The following ULK4 variants were observed in gnomAD, a reference collection of about 807,000 sequenced individuals.
ULK4 encodes the protein unc-51 like kinase 4.
In ULK4, 133 loss-of-function variants were observed where a neutral mutation model predicts 160.6. That is an observed-to-expected ratio of 0.83 (90% CI 0.72 to 0.96). The LOEUF is 0.96. Among genes scored for constraint, ULK4 ranks in the 40% least tolerant of loss-of-function variants. The pLI, the probability that ULK4 is intolerant of heterozygous loss-of-function variation, is 0.00. For missense variants in ULK4, 1,580 were observed against 1,499.5 expected, an observed-to-expected ratio of 1.05 and a Z score of -0.89; for synonymous variants, 534 against 539.8, an observed-to-expected ratio of 0.99 and a Z score of 0.15.
chr3:41,509,324 T>C (rs904236429), intron 32 of ULK4, among the ~76,000 whole-genome samples: 5 of 152,310 alleles, frequency 3.3e-5, no homozygotes, highest in Admixed American at 2.6e-4. Context: ...AGTTTGGGAC[T>C]ATGTTAAGCA....
chr3:41,938,237 T>TA (rs767951187), intron 2 of ULK4, 40 bp from the exon 3 acceptor site: 16 of 1,525,802 alleles, frequency 1.0e-5, no homozygotes, highest in Non-Finnish European at 1.4e-5. Context: ...AAGAAATTCC[T>TA]AAAACTCTTA....
chr3:41,489,276 A>G (rs763669810), intron 32 of ULK4, among the ~76,000 whole-genome samples: 38 of 152,322 alleles, frequency 2.5e-4, no homozygotes, highest in Admixed American at 1.1e-3. Context: ...ACACTTCAGC[A>G]TTAGATCATC....
At chr3:41,717,537 T>C (rs77587228) in intron 23 of ULK4, among the ~76,000 whole-genome samples, 191 bp downstream of exon 23, 6,095 of 152,276 alleles carry the variant, frequency 0.04, 377 homozygotes, top group African/African-American at 0.14. Flanking sequence ...TGCCTCATCA[T>C]GTCATTGATG....
In ULK4 at chr3:41,360,033, A is replaced by G. The variant is rs370398250; in HGVS notation, c.3678+38046T>C. 1.2e-4 allele frequency among the ~76,000 whole-genome samples: 19 copies of G among 152,342 alleles called. No individual in the cohort carries two copies. In the East Asian group the frequency reaches 1.7e-3, roughly 14 times the overall value. ...AATTTTTTCAAACTATCCATCTGACAAAAGTCTAATACCCAACATCTACAA... is the reference window on the plus strand; with the variant it reads ...AATTTTTTCAAACTATCCATCTGACGAAAGTCTAATACCCAACATCTACAA... On this transcript the variant is annotated intron_variant, in intron 35 of 36. Coordinates refer to ENST00000301831, the MANE Select transcript of ULK4 (RefSeq NM_017886.4).
At chr3:41,300,837 T>C (rs9840858) in intron 35 of ULK4, among the ~76,000 whole-genome samples, 17 of 57,876 alleles carry the variant, frequency 2.9e-4, no homozygotes, top group Non-Finnish European at 3.6e-4. Flanking sequence ...ATTTTACAGA[T>C]TATATATATA....
chr3:41,600,506 G>T (rs1411438962), intron 31 of ULK4, among the ~76,000 whole-genome samples: 1 of 152,162 alleles, frequency 6.6e-6, no homozygotes, highest in Non-Finnish European at 1.5e-5. Context: ...TCCAAGCAAA[G>T]AAAGGACAGA....
chr3:41,277,560 T>C (rs538753497), intron 35 of ULK4, among the ~76,000 whole-genome samples: 4 of 148,442 alleles, frequency 2.7e-5, no homozygotes, highest in South Asian at 2.1e-4. Flanking sequence ...CCCTTTATGA[T>C]TGAAACTCAG....
intron 1 of ULK4, among the ~76,000 whole-genome samples, chr3:41,960,748 TAC>T (rs1700635654): frequency 6.6e-6 from 1 of 152,190 alleles, no homozygotes; most frequent in Non-Finnish European, 1.5e-5. Context: ...CGTTCCCCAT[TAC>T]AGACTTCCTA....
chr3:41,485,145 G>C (rs545308453), intron 32 of ULK4, among the ~76,000 whole-genome samples: 1 of 152,288 alleles, frequency 6.6e-6, no homozygotes, highest in South Asian at 2.1e-4. Flanking sequence ...GACTCAGGAG[G>C]TTAAGTAACT....
intron 32 of ULK4, among the ~76,000 whole-genome samples, chr3:41,476,531 T>A (rs1171992563): frequency 6.6e-6 from 1 of 152,122 alleles, no homozygotes; most frequent in East Asian, 1.9e-4. Context: ...GCTCTTTCTG[T>A]CTTCATCTTC....
intron 32 of ULK4, among the ~76,000 whole-genome samples, chr3:41,490,593 A>T (rs2084717847): frequency 6.6e-6 from 1 of 152,176 alleles, no homozygotes; most frequent in South Asian, 2.1e-4. Flanking sequence ...ATCCTTTCAC[A>T]TAAAATGTTT....
intron 12 of ULK4, among the ~76,000 whole-genome samples, chr3:41,902,899 A>C (rs1698426428): frequency 6.6e-6 from 1 of 152,250 alleles, no homozygotes; most frequent in African/African-American, 2.4e-5. Flanking sequence ...CAAAGCACTT[A>C]AAACAATGCC....
intron 34 of ULK4, among the ~76,000 whole-genome samples, chr3:41,414,087 G>C (rs2082473132): frequency 6.6e-6 from 1 of 152,176 alleles, no homozygotes. Context: ...TGTAATCCCA[G>C]CTACTCGAGA....
intron 34 of ULK4, among the ~76,000 whole-genome samples, chr3:41,433,669 T>C (rs556522615): frequency 1.5e-4 from 23 of 152,332 alleles, no homozygotes; most frequent in African/African-American, 4.8e-4. Flanking sequence ...AAAATAGTTA[T>C]ACAGATTGAG....
chr3:41,494,018 C>T (rs1375264655), intron 32 of ULK4, among the ~76,000 whole-genome samples: 1 of 144,084 alleles, frequency 6.9e-6, no homozygotes. Flanking sequence ...GAACTGGTAC[C>T]ATTCCTTCTG....
At chr3:41,935,384 G>A (rs1017931486) in intron 4 of ULK4, among the ~76,000 whole-genome samples, 60 of 151,808 alleles carry the variant, frequency 4.0e-4, no homozygotes, top group African/African-American at 1.4e-3. Flanking sequence ...GCACCACCAC[G>A]CCCAGCTAAA....
Position 41,750,625 on chromosome 3 carries a change from A to G in ULK4, c.2321+3736T>C, listed in dbSNP as rs116061745. Among the ~76,000 whole-genome samples, 605 of 152,166 alleles carry G rather than the reference A, an allele frequency of 4.0e-3. 2 individuals are homozygous for G. Among genetic ancestry groups the G allele is most frequent in the African/African-American group, 0.013 (548 of 41,466 alleles). Reference sequence around the variant, plus strand: ...CTAGACTTTCCAAAACAAAAAAAACACTGCCTTCTCCGTAGAGTTTTCAAT... The same window carrying G: ...CTAGACTTTCCAAAACAAAAAAAACGCTGCCTTCTCCGTAGAGTTTTCAAT... On this transcript the variant is annotated intron_variant, in intron 22 of 36. Coordinates refer to ENST00000301831, the MANE Select transcript of ULK4 (RefSeq NM_017886.4).
chr3:41,521,997 T>C (rs1402266405), intron 32 of ULK4, among the ~76,000 whole-genome samples: 1 of 152,358 alleles, frequency 6.6e-6, no homozygotes, highest in South Asian at 2.1e-4. Context: ...GTGGTTTTTA[T>C]AGGATGCACA....
intron 30 of ULK4, among the ~76,000 whole-genome samples, chr3:41,632,735 C>CAA (rs71616020): frequency 7.1e-6 from 1 of 141,808 alleles, no homozygotes. Context: ...TGGATTCTAA[C>CAA]AAAAAAAAAA....
Sources: allele counts gnomAD v4.1 joint callset (sites outside exome capture counted in the v4.1 genomes callset), GRCh38; gene constraint gnomAD v4.1.1; transcripts MANE v1.5; gene names NCBI Gene and HGNC (gene_info 2026-07-23, HGNC 2026-07-21).